Variants in DMD observed in about 807,000 individuals in gnomAD.
DMD encodes the protein mutant dystrophin.
Under a neutral mutation model 330.1 loss-of-function variants are expected in DMD, and 63 were observed. The ratio of observed to expected loss-of-function variants is 0.19; its 90% CI spans 0.16 to 0.24. DMD has a LOEUF of 0.24. Ranked by LOEUF, DMD falls within the 10% of genes least tolerant of loss-of-function variation. The pLI, the probability that DMD is intolerant of heterozygous loss-of-function variation, is 1.00. For synonymous variants in DMD, 1,223 were observed against 959.8 expected (o/e 1.27, Z -5.07); for missense variants, 3,344 against 2,684.1 (o/e 1.25, Z -5.43).
chrX:31,558,633 A>C (rs1222887959), intron 55 of DMD, among the ~76,000 whole-genome samples: 1 of 109,390 alleles, frequency 9.1e-6, no homozygotes, highest in East Asian at 2.9e-4. Flanking sequence ...ATTATGTCTG[A>C]GTTATATGTG....
At chrX:31,721,712 C>CTATA (rs2085547634) in intron 52 of DMD, among the ~76,000 whole-genome samples, 8 of 62,062 alleles carry the variant, frequency 1.3e-4, no homozygotes, top group East Asian at 4.8e-4. Context: ...CTCTCTCTCT[C>CTATA]TCTCTCTATA....
intron 2 of DMD, among the ~76,000 whole-genome samples, chrX:32,950,500 G>A (rs1213565538): frequency 1.8e-5 from 2 of 110,552 alleles, no homozygotes. Context: ...TATTCACCAC[G>A]GCCATATATT....
intron 1 of DMD, among the ~76,000 whole-genome samples, chrX:33,248,802 G>A (rs1032128672): frequency 1.8e-5 from 2 of 112,226 alleles, no homozygotes; most frequent in African/African-American, 6.5e-5. Flanking sequence ...TGTTCTTAAC[G>A]ATTTGCTGAA....
chrX:32,427,609 G>C (rs1603633228), intron 29 of DMD, among the ~76,000 whole-genome samples: 1 of 98,037 alleles, frequency 1.0e-5, no homozygotes, highest in South Asian at 4.3e-4. Context: ...TTTCATTTTT[G>C]TCTGATTTTG....
chrX:32,635,215 T>C (rs766657970), intron 11 of DMD, among the ~76,000 whole-genome samples: 4 of 111,688 alleles, frequency 3.6e-5, no homozygotes, highest in Non-Finnish European at 7.5e-5. Context: ...ACTGCTGCCA[T>C]GGATGAGGGA....
intron 55 of DMD, among the ~76,000 whole-genome samples, chrX:31,624,084 G>T (rs181317154): frequency 9.0e-6 from 1 of 111,707 alleles, no homozygotes; most frequent in African/African-American, 3.2e-5. Flanking sequence ...AAATGTTTTG[G>T]ATAGAGAAAT....
At chrX:31,220,372 AATCTCACCAAAG>A (rs2045878123) in intron 64 of DMD, among the ~76,000 whole-genome samples, 1 of 111,025 alleles carries the variant, frequency 9.0e-6, no homozygotes, top group African/African-American at 3.3e-5. Flanking sequence ...GTGCCTCTAA[AATCTCACCAAAG>A]TTACTAGGGA....
chrX:32,195,838 T>C (rs2096997218), intron 44 of DMD, among the ~76,000 whole-genome samples: 1 of 111,531 alleles, frequency 9.0e-6, no homozygotes, highest in Non-Finnish European at 1.9e-5. Context: ...TGTGAACTCA[T>C]AGTTTGTCTC....
chrX:33,051,355 G>T (rs1049427024), intron 1 of DMD, among the ~76,000 whole-genome samples: 5 of 108,017 alleles, frequency 4.6e-5, no homozygotes, highest in Non-Finnish European at 1.9e-5. Context: ...GGGATTAGAG[G>T]CACCCACCAC....
chrX:31,331,549 G>A (rs1185274967), intron 61 of DMD, among the ~76,000 whole-genome samples: 1 of 111,756 alleles, frequency 8.9e-6, no homozygotes, highest in Non-Finnish European at 1.9e-5. Context: ...GTCAGATATA[G>A]GAAGATAGAT....
intron 16 of DMD, among the ~76,000 whole-genome samples, chrX:32,554,946 AG>A (rs2050123523): frequency 2.1e-5 from 2 of 97,438 alleles, no homozygotes; most frequent in East Asian, 3.7e-4. Flanking sequence ...AGAAAGAGAG[AG>A]AGAGGGAGAG....
rs5902049 is a variant in DMD at position 33,060,837 on chromosome X, CAA to C, written c.32-40639_32-40638del. Among the ~76,000 whole-genome samples, 363 of 62,878 alleles carry C rather than the reference CAA, an allele frequency of 5.8e-3. 2 individuals carry two copies. Among genetic ancestry groups the C allele is most frequent in the African/African-American group, 0.017 (310 of 18,732 alleles). 54.6% of individuals were successfully genotyped at this position (62,878 alleles called of 115,157 possible). ...GGGCAATAAGAGTGAAACTTCATTT[CAA>C]AAAAAAAAAAAAAAAAATCCAATCT... is the stretch of plus-strand genomic sequence containing the variant. On this transcript the variant is annotated intron_variant, in intron 1 of 78. Coordinates refer to ENST00000357033, the MANE Select transcript of DMD (RefSeq NM_004006.3).
At chrX:31,804,250 C>T (rs961503634) in intron 50 of DMD, among the ~76,000 whole-genome samples, 3 of 111,615 alleles carry the variant, frequency 2.7e-5, no homozygotes, top group African/African-American at 6.5e-5. Flanking sequence ...ACGGTCTACT[C>T]GGTTTATCAA....
At chrX:31,821,401 A>T (rs2092755569) in intron 49 of DMD, among the ~76,000 whole-genome samples, 1 of 112,473 alleles carries the variant, frequency 8.9e-6, no homozygotes, top group African/African-American at 3.2e-5. Flanking sequence ...CAGTTACCTG[A>T]GCATTTATCA....
At chrX:31,652,475 T>C (rs1006699628) in intron 54 of DMD, among the ~76,000 whole-genome samples, 1 of 112,102 alleles carries the variant, frequency 8.9e-6, no homozygotes, top group Non-Finnish European at 1.9e-5. Context: ...ACAAACTTCA[T>C]ACAAAAGTAT....
chrX:32,094,248 A>G (rs2096492385), intron 44 of DMD, among the ~76,000 whole-genome samples: 1 of 112,214 alleles, frequency 8.9e-6, no homozygotes, highest in African/African-American at 3.2e-5. Context: ...AATAGTTTTT[A>G]GAACAACTTA....
chrX:32,587,727 T>C (rs968033685), intron 13 of DMD, among the ~76,000 whole-genome samples: 3 of 111,705 alleles, frequency 2.7e-5, no homozygotes, highest in African/African-American at 9.7e-5. Context: ...TTGTGTTAAA[T>C]ATTATTAATG....
At chrX:31,578,362 CTTA>C (rs2076199553) in intron 55 of DMD, among the ~76,000 whole-genome samples, 1 of 111,909 alleles carries the variant, frequency 8.9e-6, no homozygotes, top group Non-Finnish European at 1.9e-5. Flanking sequence ...GGGCTTTTAA[CTTA>C]TTTTCTTGGT....
intron 55 of DMD, among the ~76,000 whole-genome samples, chrX:31,586,970 T>C (rs1603407363): frequency 1.8e-5 from 2 of 111,848 alleles, no homozygotes; most frequent in South Asian, 3.7e-4. Context: ...ATTTGAAAAA[T>C]TGATTGCATC....
Sources: gnomAD v4.1 joint callset for allele counts (sites outside exome capture counted in the v4.1 genomes callset) on GRCh38, gnomAD v4.1.1 for gene constraint, MANE v1.5 for transcripts, NCBI Gene and HGNC (gene_info 2026-07-23, HGNC 2026-07-21) for gene names.